The following CC2D2B variants were observed in gnomAD, a reference collection of about 807,000 sequenced individuals.
CC2D2B encodes the protein coiled-coil and C2 domain containing 2B.
In CC2D2B, 128 loss-of-function variants were observed where a neutral mutation model predicts 161.2. The ratio of observed to expected loss-of-function variants is 0.79; its 90% CI spans 0.69 to 0.92. The LOEUF (loss-of-function observed/expected upper bound fraction) is 0.92. Among genes scored for constraint, CC2D2B ranks in the 40% least tolerant of loss-of-function variants. CC2D2B has a pLI of 0.00. For missense variants in CC2D2B, 1,173 were observed against 1,375.1 expected (o/e 0.85, Z 2.32); for synonymous variants, 391 against 449.8 (o/e 0.87, Z 1.65).
In CC2D2B at chr10:95,981,974, G is replaced by C. The variant is rs2077548087; in HGVS notation, c.1944-1G>C. On this transcript the variant is annotated splice_acceptor_variant, in intron 17 of 34. Coordinates refer to ENST00000646931, the MANE Select transcript of CC2D2B (RefSeq NM_001349008.3). LOFTEE classifies it high-confidence loss of function. The stretch of plus-strand genomic sequence containing the variant: ...TTCACAAAATATTTTCTCTATGTTA[G>C]TATGTTAAGGAATGTAGATGCAAGA... The C allele has an allele frequency of 2.5e-6, 3 of 1,223,422 alleles. No homozygotes were observed. In the Admixed American group the frequency reaches 1.3e-4, roughly 52 times the overall value. The allele number at this position is 1,223,422 out of a possible 1,614,324, so 75.8% of individuals were successfully genotyped here.
chr10:95,912,889 A>C (rs1237449537), intron 2 of CC2D2B, among the ~76,000 whole-genome samples: 1 of 152,182 alleles, frequency 6.6e-6, no homozygotes, highest in East Asian at 1.9e-4. Context: ...TTATACAGGC[A>C]TACCATGTGT....
At chr10:95,983,390 G>A (rs563148121) in intron 18 of CC2D2B, among the ~76,000 whole-genome samples, 17 of 152,234 alleles carry the variant, frequency 1.1e-4, no homozygotes, top group South Asian at 6.2e-4. Context: ...GAATATTTTC[G>A]TTTTCTTTGT....
chr10:95,964,944 C>T (rs2076889381), intron 12 of CC2D2B, among the ~76,000 whole-genome samples: 1 of 152,116 alleles, frequency 6.6e-6, no homozygotes, highest in African/African-American at 2.4e-5. Context: ...TTAGCAGTCA[C>T]TCCTCACATA....
In CC2D2B at chr10:95,911,363, A is replaced by C. The variant is rs1328393256; in HGVS notation, c.36+4A>C. The C allele has an allele frequency of 4.1e-6, 1 of 241,486 alleles. No homozygotes were observed. The highest frequency in any genetic ancestry group is 2.2e-5 in the African/African-American group (1 of 45,180). 15.0% of individuals were successfully genotyped at this position (241,486 alleles called of 1,614,324 possible). A position where few individuals can be genotyped will look rare whatever the true frequency, so the allele number is the denominator to read the frequency against. On this transcript the variant is annotated splice_donor_region_variant and intron_variant, in intron 2 of 34. Coordinates refer to ENST00000646931, the MANE Select transcript of CC2D2B (RefSeq NM_001349008.3). ...AAGAGAAGATATTTTTAAAAAGGTA[A>C]GGTATTAATGGAGTTTATAATATTT... is the stretch of plus-strand genomic sequence containing the variant.
rs57187442 is a variant in CC2D2B at position 96,003,021 on chromosome 10, A to AATATATATATATATATATATAT, written c.2850-1129_2850-1108dup. Among the ~76,000 whole-genome samples the AATATATATATATATATATATAT allele has an allele frequency of 2.2e-3, 311 of 140,542 alleles. 1 individual carries two copies. The highest frequency in any genetic ancestry group is 0.011 in the Middle Eastern group (3 of 268). 92.2% of individuals were successfully genotyped at this position (140,542 alleles called of 152,430 possible). On this transcript the variant is annotated intron_variant, in intron 24 of 34. Coordinates refer to ENST00000646931, the MANE Select transcript of CC2D2B (RefSeq NM_001349008.3). ...TAGACCCTGTCTCAAAAAATAAATA[A>AATATATATATATATATATATAT]ATATATATATATATATATATATAGA...
chr10:95,919,793 G>C (rs2098523168), intron 2 of CC2D2B: 1 of 151,984 alleles, frequency 6.6e-6, no homozygotes, highest in South Asian at 2.1e-4. Flanking sequence ...TGCCATTGAA[G>C]TGCGAGGGCC....
chr10:95,986,666 G>A (rs947498564), intron 19 of CC2D2B, among the ~76,000 whole-genome samples: 9 of 151,914 alleles, frequency 5.9e-5, no homozygotes, highest in South Asian at 2.1e-4. Context: ...GCGTGATCTC[G>A]GCTCAGTGCA....
intron 2 of CC2D2B, among the ~76,000 whole-genome samples, chr10:95,915,234 G>T (rs1003582069): frequency 2.0e-5 from 3 of 152,160 alleles, no homozygotes; most frequent in Non-Finnish European, 2.9e-5. Flanking sequence ...ATATAGAAAT[G>T]CTACTGACTT....
At chr10:95,940,235 TA>T (rs2141279077) in intron 9 of CC2D2B, among the ~76,000 whole-genome samples, 1 of 152,214 alleles carries the variant, frequency 6.6e-6, no homozygotes, top group South Asian at 2.1e-4. Context: ...GGGATGGTGT[TA>T]AACCATTCAT....
In CC2D2B at chr10:95,927,302, A is replaced by C. The variant is rs1397032366; in HGVS notation, c.306A>C (p.Glu102Asp). The C allele has an allele frequency of 6.4e-6, 10 of 1,551,244 alleles. No homozygotes were observed. Among genetic ancestry groups the C allele is most frequent in the African/African-American group, 1.4e-5 (1 of 73,020 alleles). ...CATTTTTCATTCTGAGTGGTGAAGA[A>C]GGTTCAGCTTTGGGCAAGTCTTCAG... ...SLSFFILSGE[E>D]GSALGKSSEQ... The change falls in exon 6 of 35, where the codon GAA (glutamate) becomes GAC (aspartate). Residue 102 changes from glutamate to aspartate, a missense_variant. Physicochemically the swap from Glu to Asp is conservative, Grantham distance 45. Coordinates refer to ENST00000646931, the MANE Select transcript of CC2D2B (RefSeq NM_001349008.3).
chr10:95,978,195 A>C (rs999834796), intron 17 of CC2D2B, among the ~76,000 whole-genome samples: 4 of 152,198 alleles, frequency 2.6e-5, no homozygotes, highest in Admixed American at 2.0e-4. Context: ...ATTTATCATT[A>C]TTCTTCTTCC....
intron 3 of CC2D2B, among the ~76,000 whole-genome samples, chr10:95,924,066 A>T (rs2098533632): frequency 6.6e-6 from 1 of 152,078 alleles, no homozygotes; most frequent in Admixed American, 6.6e-5. Context: ...GAGGATAGAA[A>T]AGTTGTCACA....
At chr10:95,961,789 A>G in intron 11 of CC2D2B, 40 bp from the exon 12 acceptor site, 1 of 1,203,302 alleles carries the variant, frequency 8.3e-7, no homozygotes, top group Non-Finnish European at 1.0e-6. Flanking sequence ...TTTTAGTTCT[A>G]ATCCACTGAC....
chr10:96,025,168 T>TAAAAAAAAAAAAAAA (rs1564683736), intron 33 of CC2D2B, among the ~76,000 whole-genome samples: 1 of 12,522 alleles, frequency 8.0e-5, no homozygotes, highest in Non-Finnish European at 1.3e-4. Flanking sequence ...TATATATATA[T>TAAAAAAAAAAAAAAA]ATATATATAT....
chr10:96,026,702 C>G (rs1365676481), intron 33 of CC2D2B, among the ~76,000 whole-genome samples: 1 of 152,124 alleles, frequency 6.6e-6, no homozygotes, highest in African/African-American at 2.4e-5. Flanking sequence ...CAAGAGGCTT[C>G]TTGTCTTCCC....
chr10:95,946,441 A>G (rs1418512745), intron 9 of CC2D2B, among the ~76,000 whole-genome samples: 1 of 152,204 alleles, frequency 6.6e-6, no homozygotes, highest in Non-Finnish European at 1.5e-5. Flanking sequence ...TCTGCTTAAC[A>G]AGACAGGATT....
At chr10:96,003,230 T>G (rs1277883098) in intron 24 of CC2D2B, among the ~76,000 whole-genome samples, 1 of 151,892 alleles carries the variant, frequency 6.6e-6, no homozygotes, top group Non-Finnish European at 1.5e-5. Context: ...TGATGGAGAT[T>G]CAGTGCACAA....
intron 34 of CC2D2B, among the ~76,000 whole-genome samples, chr10:96,028,423 G>C (rs1294359903): frequency 6.6e-6 from 1 of 151,952 alleles, no homozygotes; most frequent in African/African-American, 2.4e-5. Context: ...AACTAAATAA[G>C]GTATCATCTC....
At chr10:95,916,473 A>C (rs946715434) in intron 2 of CC2D2B, among the ~76,000 whole-genome samples, 4 of 151,932 alleles carry the variant, frequency 2.6e-5, no homozygotes, top group African/African-American at 9.7e-5. Flanking sequence ...TAGTTCTTTA[A>C]GACGCATCAT....
Sources: gnomAD v4.1 joint callset for allele counts (sites outside exome capture counted in the v4.1 genomes callset) on GRCh38, gnomAD v4.1.1 for gene constraint, MANE v1.5 for transcripts, NCBI Gene and HGNC (gene_info 2026-07-23, HGNC 2026-07-21) for gene names.